The following DPYS variants were observed in gnomAD, a reference collection of about 807,000 sequenced individuals.
The protein encoded by DPYS is dihydropyrimidinase.
DPYS carries 39 observed loss-of-function variants against 50.3 expected under a neutral mutation model. The observed-to-expected ratio is 0.78, with a 90% CI of 0.60 to 1.01. DPYS has a LOEUF of 1.01. DPYS is among the 50% of genes least tolerant of loss of function. The pLI is 0.00. For synonymous variants in DPYS, 245 were observed against 250.7 expected, an observed-to-expected ratio of 0.98 and a Z score of 0.22; for missense variants, 659 against 680.9, an observed-to-expected ratio of 0.97 and a Z score of 0.36.
At chr8:104,442,792 C>T (rs759154918) in intron 4 of DPYS, among the ~76,000 whole-genome samples, 3 of 152,156 alleles carry the variant, frequency 2.0e-5, no homozygotes, top group Admixed American at 6.5e-5. Flanking sequence ...AACCATGCAG[C>T]GGGTCATGCT....
intron 2 of DPYS, among the ~76,000 whole-genome samples, chr8:104,449,943 G>A (rs1384127310): frequency 1.3e-5 from 2 of 152,166 alleles, no homozygotes; most frequent in African/African-American, 4.8e-5. Flanking sequence ...TAGGGTTACA[G>A]CAGCCCTAGC....
intron 8 of DPYS, among the ~76,000 whole-genome samples, chr8:104,386,752 C>T (rs1290440712): frequency 2.0e-5 from 3 of 151,864 alleles, no homozygotes; most frequent in African/African-American, 7.3e-5. Context: ...CTTAGCCTCC[C>T]AAGAAACTGG....
chr8:104,461,978 A>T (rs150319447), intron 1 of DPYS, among the ~76,000 whole-genome samples: 1 of 152,326 alleles, frequency 6.6e-6, no homozygotes, highest in African/African-American at 2.4e-5. Context: ...AAGGATAGGG[A>T]GCCAAATGTT....
At chr8:104,459,443 C>T (rs1814044882) in intron 1 of DPYS, among the ~76,000 whole-genome samples, 2 of 152,274 alleles carry the variant, frequency 1.3e-5, no homozygotes, top group African/African-American at 4.8e-5. Context: ...ATCTCTATAA[C>T]CTCTGCACCA....
intron 7 of DPYS, among the ~76,000 whole-genome samples, chr8:104,398,885 A>G (rs1811681719): frequency 6.6e-6 from 1 of 152,210 alleles, no homozygotes; most frequent in Non-Finnish European, 1.5e-5. Flanking sequence ...GCTGAGGTGC[A>G]GGTGTGAAGG....
intron 4 of DPYS, among the ~76,000 whole-genome samples, chr8:104,441,336 A>G (rs958882314): frequency 2.6e-5 from 4 of 152,210 alleles, no homozygotes; most frequent in Non-Finnish European, 5.9e-5. Flanking sequence ...TCTACCCTCA[A>G]GATACCCATT....
At chr8:104,413,306 A>G (rs1812253188) in intron 7 of DPYS, among the ~76,000 whole-genome samples, 1 of 151,684 alleles carries the variant, frequency 6.6e-6, no homozygotes, top group African/African-American at 2.4e-5. Context: ...GAAGCTAAGA[A>G]TACACAAAAA....
At chr8:104,443,520 T>C (rs949064763) in intron 4 of DPYS, among the ~76,000 whole-genome samples, 3 of 152,188 alleles carry the variant, frequency 2.0e-5, no homozygotes, top group African/African-American at 7.2e-5. Flanking sequence ...GAGCATGTAC[T>C]AGGTGCCTTG....
chr8:104,410,692 C>T (rs1221993785), intron 7 of DPYS, among the ~76,000 whole-genome samples: 1 of 152,172 alleles, frequency 6.6e-6, no homozygotes, highest in East Asian at 1.9e-4. Flanking sequence ...CACTCAAAGA[C>T]ATTCAATAGC....
At chr8:104,460,722 C>T (rs542205195) in intron 1 of DPYS, among the ~76,000 whole-genome samples, 12 of 152,266 alleles carry the variant, frequency 7.9e-5, no homozygotes, top group African/African-American at 2.9e-4. Flanking sequence ...CTTAACAGAA[C>T]CAAAGCTTTA....
In DPYS at chr8:104,412,810, A is replaced by G. The variant is rs182575354; in HGVS notation, c.1235+11437T>C. Among the ~76,000 whole-genome samples, 23 of 152,350 alleles carry G rather than the reference A, an allele frequency of 1.5e-4. No individual in the cohort carries two copies. The East Asian group carries it at 4.4e-3, about 29-fold the overall frequency. ...AAAAGCCACCACTTCTCTGCTGGCCATGCCCTTACCACCCTGGTAAAGAAT... is the reference window on the plus strand; with the variant it reads ...AAAAGCCACCACTTCTCTGCTGGCCGTGCCCTTACCACCCTGGTAAAGAAT... On this transcript the variant is annotated intron_variant, in intron 7 of 9. Transcript: ENST00000351513.
intron 8 of DPYS, among the ~76,000 whole-genome samples, chr8:104,383,046 A>T (rs984518386): frequency 2.6e-5 from 4 of 152,142 alleles, no homozygotes; most frequent in African/African-American, 9.7e-5. Context: ...CCAGTGGCTC[A>T]GGTGGGGCCA....
chr8:104,452,036 G>C (rs1226500129), intron 1 of DPYS, among the ~76,000 whole-genome samples: 1 of 152,084 alleles, frequency 6.6e-6, no homozygotes, highest in Non-Finnish European at 1.5e-5. Context: ...TCATTGCAAC[G>C]AGAGAGATAT....
chr8:104,419,139 C>T, intron 7 of DPYS: 1 of 840,332 alleles, frequency 1.2e-6, no homozygotes, highest in South Asian at 5.5e-5. Context: ...TACTTAAATT[C>T]ATCTTTATCC....
At chr8:104,462,599 C>A (rs1814209568) in intron 1 of DPYS, among the ~76,000 whole-genome samples, 1 of 152,202 alleles carries the variant, frequency 6.6e-6, no homozygotes, top group African/African-American at 2.4e-5. Context: ...GTTCCTCCTG[C>A]CAGCTACTGA....
chr8:104,427,902 G>T, intron 6 of DPYS, 78 bp downstream of exon 6: 1 of 1,607,554 alleles, frequency 6.2e-7, no homozygotes. Flanking sequence ...ATGAAAATTT[G>T]TGCCACTCTG....
intron 1 of DPYS, among the ~76,000 whole-genome samples, chr8:104,454,972 A>C (rs1813874428): frequency 6.6e-6 from 1 of 152,136 alleles, no homozygotes; most frequent in South Asian, 2.1e-4. Context: ...TAACCATCTC[A>C]AGAGCTCCAC....
chr8:104,392,937 G>A lies in DPYS; in HGVS notation c.1290C>T (p.Gly430=). Residue 430 remains glycine (G), a synonymous_variant, in exon 8 of 10, where the codon GGC becomes GGT. Coordinates refer to ENST00000351513, the MANE Select transcript of DPYS (RefSeq NM_001385.3). The stretch of plus-strand genomic sequence containing the variant: ...CAAGGGGCACCCCGTGGCAAACCAT[G>A]CCCTCGAAAATGTTGAAGTTAACAG... The part of the protein sequence containing the change: ...HQAVNFNIFE[G]MVCHGVPLVT... The A allele has an allele frequency of 1.2e-6, 2 of 1,614,170 alleles. No homozygotes were observed. Among genetic ancestry groups the A allele is most frequent in the Non-Finnish European group, 1.7e-6 (2 of 1,180,018 alleles).
chr8:104,388,067 A>T (rs922420434), intron 8 of DPYS, among the ~76,000 whole-genome samples: 4 of 152,214 alleles, frequency 2.6e-5, no homozygotes, highest in African/African-American at 9.7e-5. Flanking sequence ...ACCTGAAGAA[A>T]TTAGGATTAT....
Sources: allele counts gnomAD v4.1 joint callset (sites outside exome capture counted in the v4.1 genomes callset), GRCh38; gene constraint gnomAD v4.1.1; transcripts MANE v1.5; gene names NCBI Gene and HGNC (gene_info 2026-07-23, HGNC 2026-07-21).